CRACDL: variants seen among roughly 807,000 people sequenced by gnomAD.
CRACDL encodes the protein CRACD-like protein.
In CRACDL, 26 loss-of-function variants were observed where a neutral mutation model predicts 70.6. The observed-to-expected ratio is 0.37, with a 90% confidence interval of 0.27 to 0.51. CRACDL has a LOEUF of 0.51. Among genes scored for constraint, CRACDL ranks in the 20% least tolerant of loss-of-function variants. The pLI, the probability that CRACDL is intolerant of heterozygous loss-of-function variation, is 0.94. For synonymous variants in CRACDL, 618 were observed against 615.2 expected (o/e 1.00, Z -0.07); for missense variants, 1,283 against 1,376.9 (o/e 0.93, Z 1.08).
At position 98,832,608 on chromosome 2, in the gene CRACDL, A is replaced by G. The variant is rs1024280103; in HGVS notation, c.376-96T>C. The stretch of plus-strand genomic sequence containing the variant: ...ATTCATTCATGCTGGAAATGCCTTC[A>G]GTATCTTGGTGTGGTGCAGAGAACT... On this transcript the variant is annotated intron_variant, in intron 4 of 9. Coordinates refer to ENST00000397899, the MANE Select transcript of CRACDL (RefSeq NM_207362.3). The G allele has an allele frequency of 2.0e-5, 24 of 1,226,044 alleles. No individual in the cohort carries two copies. In the East Asian group the frequency reaches 5.6e-4, roughly 29 times the overall value. The allele number at this position is 1,226,044 out of a possible 1,614,324, so 75.9% of individuals were successfully genotyped here.
chr2:98,821,003 T>A (rs541040569), intron 7 of CRACDL, among the ~76,000 whole-genome samples: 62 of 152,334 alleles, frequency 4.1e-4, no homozygotes, highest in African/African-American at 1.4e-3. Flanking sequence ...ACACATGTCC[T>A]GGGATTTGGA....
intron 1 of CRACDL, among the ~76,000 whole-genome samples, chr2:98,930,547 C>T (rs1403839579): frequency 6.7e-6 from 1 of 149,502 alleles, no homozygotes; most frequent in Non-Finnish European, 1.5e-5. Context: ...TCCCCTACTG[C>T]ATCTCTGACC....
chr2:98,871,942 G>A (rs1371022023), intron 1 of CRACDL, among the ~76,000 whole-genome samples: 2 of 152,168 alleles, frequency 1.3e-5, no homozygotes, highest in Non-Finnish European at 2.9e-5. Context: ...ACAAATGACT[G>A]GATAAAGAAA....
intron 7 of CRACDL, among the ~76,000 whole-genome samples, chr2:98,818,288 GC>G: frequency 6.6e-6 from 1 of 152,328 alleles, no homozygotes; most frequent in Non-Finnish European, 1.5e-5. Flanking sequence ...GTGAGGCTCA[GC>G]CCCTTTGGCA....
chr2:98,886,832 A>T (rs187637877), intron 1 of CRACDL, among the ~76,000 whole-genome samples: 25 of 152,328 alleles, frequency 1.6e-4, no homozygotes, highest in Admixed American at 1.6e-3. Flanking sequence ...TATTTTTAAA[A>T]TTTTCAGCAA....
chr2:98,903,994 C>A (rs973697954), intron 1 of CRACDL, among the ~76,000 whole-genome samples: 1 of 152,150 alleles, frequency 6.6e-6, no homozygotes, highest in South Asian at 2.1e-4. Context: ...AAGACATCTG[C>A]AAAACAGAGG....
At position 98,837,762 on chromosome 2, in the gene CRACDL, TA is replaced by T. The variant is rs781235110; in HGVS notation, c.239+356del. ...TCAACTTTAGAGAAATGCATTTTTC[TA>T]ATATAGCATCTAGGTCCTCAAAAGA... On this transcript the variant is annotated intron_variant, in intron 3 of 9. Transcript: ENST00000397899. 1.2e-3 allele frequency among the ~76,000 whole-genome samples: 187 copies of T among 152,334 alleles called. 1 individual carries two copies. Among genetic ancestry groups the T allele is most frequent in the Non-Finnish European group, 2.2e-3 (150 of 68,028 alleles).
rs750224739 is a variant in CRACDL at position 98,897,412 on chromosome 2, A to G, written c.-11+38526T>C. 7 of 1,303,124 alleles carry G rather than the reference A, an allele frequency of 5.4e-6. No individual in the cohort carries two copies. The East Asian group carries it at 3.3e-4, about 62-fold the overall frequency. The allele number at this position is 1,303,124 out of a possible 1,614,324, so 80.7% of individuals were successfully genotyped here. On this transcript the variant is annotated intron_variant, in intron 1 of 9. Transcript: ENST00000397899. ...GCACGGACGCCAAAGAAATCATCTCAGTCACAGGTGTCCTTATCTCAGCAT... is the reference window on the plus strand; with the variant it reads ...GCACGGACGCCAAAGAAATCATCTCGGTCACAGGTGTCCTTATCTCAGCAT...
intron 1 of CRACDL, among the ~76,000 whole-genome samples, chr2:98,896,145 C>T (rs116649448): frequency 3.3e-5 from 5 of 152,020 alleles, no homozygotes; most frequent in African/African-American, 1.2e-4. Context: ...AGGAGTAGGC[C>T]AATTTGAGGA....
intron 1 of CRACDL, among the ~76,000 whole-genome samples, chr2:98,906,684 A>G (rs183363871): frequency 2.2e-4 from 33 of 152,220 alleles, no homozygotes; most frequent in African/African-American, 7.5e-4. Flanking sequence ...CTATGTTTGT[A>G]TGGGTTGGTA....
At chr2:98,833,023 C>T in intron 3 of CRACDL, 26 bp from the exon 4 acceptor site, 1 of 1,588,854 alleles carries the variant, frequency 6.3e-7, no homozygotes, top group East Asian at 2.2e-5. Context: ...CACTGTGAGA[C>T]TCTGCCCACC....
chr2:98,932,164 C>A (rs568620289), intron 1 of CRACDL, among the ~76,000 whole-genome samples: 1 of 152,150 alleles, frequency 6.6e-6, no homozygotes, highest in East Asian at 1.9e-4. Context: ...CCAGCAGTAC[C>A]GGTGTTTGCA....
At chr2:98,872,222 G>GTGGCA (rs1202784494) in intron 1 of CRACDL, among the ~76,000 whole-genome samples, 1 of 152,208 alleles carries the variant, frequency 6.6e-6, no homozygotes, top group East Asian at 1.9e-4. Flanking sequence ...GCCGGGCGTG[G>GTGGCA]TGGCACATGC....
intron 1 of CRACDL, among the ~76,000 whole-genome samples, chr2:98,887,713 TCAAA>T (rs1330629229): frequency 3.3e-5 from 5 of 152,098 alleles, no homozygotes; most frequent in African/African-American, 4.8e-5. Flanking sequence ...CATATCATAA[TCAAA>T]CAGTCAAGCC....
chr2:98,935,045 G>A (rs1709171901), intron 1 of CRACDL, among the ~76,000 whole-genome samples: 2 of 152,188 alleles, frequency 1.3e-5, no homozygotes, highest in Admixed American at 6.5e-5. Context: ...CCAGGTGTGC[G>A]CCCGTGGGAC....
At chr2:98,917,233 G>A (rs1345688692) in intron 1 of CRACDL, among the ~76,000 whole-genome samples, 1 of 152,210 alleles carries the variant, frequency 6.6e-6, no homozygotes, top group African/African-American at 2.4e-5. Flanking sequence ...ATCATTGGAT[G>A]TTCAAATTCC....
chr2:98,828,022 G>A (rs1163291709), intron 5 of CRACDL, among the ~76,000 whole-genome samples: 1 of 152,208 alleles, frequency 6.6e-6, no homozygotes, highest in African/African-American at 2.4e-5. Flanking sequence ...TTAAGTTACA[G>A]GTATTTTACT....
chr2:98,883,910 A>G (rs1043750731), intron 1 of CRACDL, among the ~76,000 whole-genome samples: 3 of 152,220 alleles, frequency 2.0e-5, no homozygotes, highest in Non-Finnish European at 4.4e-5. Flanking sequence ...GCATCTCTCA[A>G]AATGCAGCAC....
intron 7 of CRACDL, among the ~76,000 whole-genome samples, chr2:98,802,946 C>A (rs904814289): frequency 3.3e-5 from 5 of 150,948 alleles, no homozygotes; most frequent in Non-Finnish European, 7.4e-5. Context: ...GAAGTAGCAA[C>A]TTTTTCAGCC....
Sources: gnomAD v4.1 joint callset for allele counts (sites outside exome capture counted in the v4.1 genomes callset) on GRCh38, gnomAD v4.1.1 for gene constraint, MANE v1.5 for transcripts, NCBI Gene and HGNC (gene_info 2026-07-23, HGNC 2026-07-21) for gene names.